Variants in HIKESHI observed in about 807,000 individuals in gnomAD.
The protein encoded by HIKESHI is heat shock protein nuclear import factor hikeshi.
A neutral mutation model predicts 25.7 loss-of-function variants in HIKESHI; 13 were observed. The ratio of observed to expected loss-of-function variants is 0.51; its 90% CI spans 0.33 to 0.80. HIKESHI has a LOEUF of 0.80. HIKESHI is among the 30% of genes least tolerant of loss of function. The pLI is 0.02. For missense variants in HIKESHI, 174 were observed against 229.5 expected, an observed-to-expected ratio of 0.76 and a Z score of 1.56; for synonymous variants, 76 against 78.7, an observed-to-expected ratio of 0.97 and a Z score of 0.18.
chr11:86,341,422 C>A (rs1456053207), intron 3 of HIKESHI, among the ~76,000 whole-genome samples: 2 of 151,370 alleles, frequency 1.3e-5, no homozygotes, highest in Admixed American at 1.3e-4. Context: ...AGTGTAAATT[C>A]TCATTCAGTT....
intron 2 of HIKESHI, among the ~76,000 whole-genome samples, chr11:86,325,338 T>G (rs1187056534): frequency 2.0e-5 from 3 of 152,142 alleles, no homozygotes; most frequent in African/African-American, 7.2e-5. Flanking sequence ...GTAGGGTGTC[T>G]TAAAGCCAGT....
chr11:86,302,956 G>T (rs1354812385), intron 1 of HIKESHI, among the ~76,000 whole-genome samples: 1 of 152,124 alleles, frequency 6.6e-6, no homozygotes, highest in Non-Finnish European at 1.5e-5. Flanking sequence ...GGTGCTCAGG[G>T]AATGTATATC....
intron 4 of HIKESHI, chr11:86,345,063 A>G (rs1947837069): frequency 3.0e-6 from 3 of 1,001,580 alleles, no homozygotes; most frequent in Non-Finnish European, 3.7e-6. Flanking sequence ...TGGCTAATGA[A>G]TCTATTTTCC....
intron 1 of HIKESHI, among the ~76,000 whole-genome samples, chr11:86,303,791 T>A (rs291243): frequency 0.45 from 68,245 of 152,006 alleles, 15,999 homozygotes; most frequent in Admixed American, 0.49. Flanking sequence ...TTATCTAAAC[T>A]TATGAACCCA....
chr11:86,344,538 T>G (rs1450542141), intron 3 of HIKESHI, 65 bp from the exon 4 acceptor site: 2 of 952,076 alleles, frequency 2.1e-6, no homozygotes, highest in Non-Finnish European at 1.6e-6. Flanking sequence ...CACTTTTAAT[T>G]TAAAAATATT....
At chr11:86,322,097 C>T (rs1217468153) in intron 2 of HIKESHI, among the ~76,000 whole-genome samples, 1 of 152,146 alleles carries the variant, frequency 6.6e-6, no homozygotes, top group Non-Finnish European at 1.5e-5. Flanking sequence ...AGCAATTCTC[C>T]TGCCTTAGCC....
At chr11:86,308,744 G>T (rs1270525169) in intron 2 of HIKESHI, among the ~76,000 whole-genome samples, 1 of 151,470 alleles carries the variant, frequency 6.6e-6, no homozygotes, top group African/African-American at 2.4e-5. Flanking sequence ...AACAGGCCCC[G>T]GTGTGTGATG....
intron 4 of HIKESHI, chr11:86,345,254 C>A: frequency 2.1e-6 from 1 of 483,480 alleles, no homozygotes; most frequent in Non-Finnish European, 2.9e-6. Context: ...CTCTCATCTG[C>A]TCATCTGTGG....
chr11:86,340,219 A>T (rs368662346), intron 3 of HIKESHI, among the ~76,000 whole-genome samples: 1 of 152,206 alleles, frequency 6.6e-6, no homozygotes, highest in Non-Finnish European at 1.5e-5. Flanking sequence ...ATATGTGTGC[A>T]TGTGTCTTTA....
intron 2 of HIKESHI, among the ~76,000 whole-genome samples, chr11:86,317,455 A>G (rs1171318419): frequency 6.6e-6 from 1 of 152,238 alleles, no homozygotes; most frequent in East Asian, 1.9e-4. Flanking sequence ...AGAGAGGCTC[A>G]ATGAAACCAA....
At position 86,345,576 on chromosome 11, in the gene HIKESHI, T is replaced by C. The variant is rs768168001; in HGVS notation, c.540-8T>C. On this transcript the variant is annotated splice_region_variant and splice_polypyrimidine_tract_variant and intron_variant, in intron 4 of 4. Transcript: ENST00000278483. ...TGTGAATGTAAATATATGTGTTTTCTTTTCTAGGTATGAAAACTTTCAAAG... is the reference window on the plus strand; with the variant it reads ...TGTGAATGTAAATATATGTGTTTTCCTTTCTAGGTATGAAAACTTTCAAAG... 4.0e-6 allele frequency: 6 copies of C among 1,515,110 alleles called. No homozygotes were observed. The highest frequency in any genetic ancestry group is 1.2e-5 in the South Asian group (1 of 83,362). The allele number at this position is 1,515,110 out of a possible 1,614,324, so 93.9% of individuals were successfully genotyped here.
At chr11:86,336,749 T>TC (rs1438364262) in intron 2 of HIKESHI, among the ~76,000 whole-genome samples, 1 of 152,074 alleles carries the variant, frequency 6.6e-6, no homozygotes, top group Non-Finnish European at 1.5e-5. Flanking sequence ...CTCAAGAAAC[T>TC]CCAAGTAGGA....
chr11:86,316,768 A>ATT (rs1946991169), intron 2 of HIKESHI, among the ~76,000 whole-genome samples: 1 of 83,494 alleles, frequency 1.2e-5, no homozygotes, highest in Non-Finnish European at 2.6e-5. Context: ...AATCTGAAAC[A>ATT]TTCTTTTTTT....
chr11:86,345,257 A>T, intron 4 of HIKESHI: 1 of 455,946 alleles, frequency 2.2e-6, no homozygotes. Context: ...TCATCTGCTC[A>T]TCTGTGGAAT....
At chr11:86,319,242 A>ATATATATTTTTTT (rs1383589741) in intron 2 of HIKESHI, among the ~76,000 whole-genome samples, 1 of 94,952 alleles carries the variant, frequency 1.1e-5, no homozygotes, top group African/African-American at 4.6e-5. Context: ...ATATATATAT[A>ATATATATTTTTTT]TTTTTTTTTT....
chr11:86,308,559 T>TTATTTATTTATTTA (rs1946744718), intron 2 of HIKESHI, among the ~76,000 whole-genome samples: 1 of 142,534 alleles, frequency 7.0e-6, no homozygotes, highest in Non-Finnish European at 1.5e-5. Flanking sequence ...CCATAATTCT[T>TTATTTATTTATTTA]TTTATTTATT....
At chr11:86,306,213 C>A in intron 1 of HIKESHI, 32 bp from the exon 2 acceptor site, 2 of 1,420,508 alleles carry the variant, frequency 1.4e-6, no homozygotes, top group South Asian at 2.3e-5. Context: ...CTCATAGAAC[C>A]ATTGAACTGA....
At chr11:86,331,477 A>T (rs187888064) in intron 2 of HIKESHI, among the ~76,000 whole-genome samples, 18 of 152,314 alleles carry the variant, frequency 1.2e-4, no homozygotes, top group Non-Finnish European at 2.9e-5. Context: ...CAACAAAGCT[A>T]GACTCTGTCT....
chr11:86,333,581 T>C (rs1947475365), intron 2 of HIKESHI, among the ~76,000 whole-genome samples: 1 of 151,354 alleles, frequency 6.6e-6, no homozygotes, highest in African/African-American at 2.4e-5. Flanking sequence ...AAAAGAAATA[T>C]GGTATTCTAC....
Sources: gnomAD v4.1 joint callset for allele counts (sites outside exome capture counted in the v4.1 genomes callset) on GRCh38, gnomAD v4.1.1 for gene constraint, MANE v1.5 for transcripts, NCBI Gene and HGNC (gene_info 2026-07-23, HGNC 2026-07-21) for gene names.